The following MYO1E variants were observed in gnomAD, a reference collection of about 807,000 sequenced individuals.
MYO1E encodes the protein myosin IE.
A neutral mutation model predicts 151.1 loss-of-function variants in MYO1E; 68 were observed. The ratio of observed to expected loss-of-function variants is 0.45; its 90% CI spans 0.37 to 0.55. The LOEUF is 0.55. MYO1E is among the 20% of genes least tolerant of loss of function. The pLI is 0.00. For missense variants in MYO1E, 1,363 were observed against 1,389.3 expected (o/e 0.98, Z 0.30); for synonymous variants, 601 against 501.7 (o/e 1.20, Z -2.64).
At chr15:59,315,688 T>C (rs191529515) in intron 1 of MYO1E, among the ~76,000 whole-genome samples, 47 of 152,340 alleles carry the variant, frequency 3.1e-4, no homozygotes, top group African/African-American at 8.9e-4. Context: ...GTGAGGAAGA[T>C]TGAATGAGCT....
chr15:59,184,814 C>T (rs2079685966), intron 18 of MYO1E, among the ~76,000 whole-genome samples: 1 of 152,156 alleles, frequency 6.6e-6, no homozygotes, highest in South Asian at 2.1e-4. Context: ...TAGGAGTGGG[C>T]TTGCTGGATC....
chr15:59,284,929 T>C (rs545478580), intron 1 of MYO1E, among the ~76,000 whole-genome samples: 94 of 152,304 alleles, frequency 6.2e-4, no homozygotes, highest in South Asian at 1.4e-3. Context: ...CTGATTATAT[T>C]TTAATCAAAC....
At chr15:59,343,061 T>A (rs541147341) in intron 1 of MYO1E, among the ~76,000 whole-genome samples, 21 of 152,340 alleles carry the variant, frequency 1.4e-4, no homozygotes, top group African/African-American at 5.0e-4. Context: ...TATACTGTTA[T>A]AATATTCTGT....
intron 4 of MYO1E, among the ~76,000 whole-genome samples, chr15:59,250,686 T>C (rs1212727295): frequency 1.3e-5 from 2 of 152,134 alleles, no homozygotes; most frequent in East Asian, 3.9e-4. Flanking sequence ...GCCCTGAACA[T>C]GCAGCTGATG....
chr15:59,261,336 A>T lies in MYO1E; in HGVS notation c.237+84T>A. 4 of 953,038 alleles carry T rather than the reference A, an allele frequency of 4.2e-6. No homozygotes were observed. The South Asian group carries it at 5.8e-5, about 14-fold the overall frequency. 59.0% of individuals were successfully genotyped at this position (953,038 alleles called of 1,614,324 possible). ...AAAAAATTCATAATAGAAAAGTGCAAAAGTACTGCTAACTTCAAGAAAAAC... is the reference window on the plus strand; with the variant it reads ...AAAAAATTCATAATAGAAAAGTGCATAAGTACTGCTAACTTCAAGAAAAAC... On this transcript the variant is annotated intron_variant, in intron 3 of 27. Coordinates refer to ENST00000288235, the MANE Select transcript of MYO1E (RefSeq NM_004998.4).
Position 59,336,063 on chromosome 15 carries a change from C to T in MYO1E, c.3+36435G>A, listed in dbSNP as rs144723919. ...GCAAAAAAAAAAAAAAATCTTGAAA[C>T]TTTTTCTGGAATTAAAAAAAAACTA... On this transcript the variant is annotated intron_variant, in intron 1 of 27. Coordinates refer to ENST00000288235, the MANE Select transcript of MYO1E (RefSeq NM_004998.4). Among the ~76,000 whole-genome samples, 496 of 150,844 alleles carry T rather than the reference C, an allele frequency of 3.3e-3. 4 individuals carry two copies. Among genetic ancestry groups the T allele is most frequent in the African/African-American group, 9.7e-3 (401 of 41,140 alleles).
Position 59,161,223 on chromosome 15 carries a change from G to A in MYO1E, c.2635C>T (p.Leu879=), listed in dbSNP as rs563050652. 18 of 1,613,780 alleles carry A rather than the reference G, an allele frequency of 1.1e-5. No individual in the cohort carries two copies. The East Asian group carries it at 4.0e-4, about 36-fold the overall frequency. The change falls in exon 24 of 28, where the codon CTG becomes TTG. Residue 879 remains leucine, a synonymous_variant. Coordinates refer to ENST00000288235, the MANE Select transcript of MYO1E (RefSeq NM_004998.4). ...CCCCAGTTTTCCTTTTTCAACTTCA[G>A]TTCAAGCCTGCAAAAAGCACAGTGG... ...LPLKFSNTLE[L]KLKKENWGPW...
intron 18 of MYO1E, 139 bp downstream of exon 18, chr15:59,187,979 A>G: frequency 1.4e-6 from 1 of 722,760 alleles, no homozygotes; most frequent in Non-Finnish European, 2.5e-6. Context: ...TCCTAAAATT[A>G]ACGGTGGTGA....
chr15:59,232,042 A>G (rs2080031591), intron 5 of MYO1E, among the ~76,000 whole-genome samples: 1 of 152,192 alleles, frequency 6.6e-6, no homozygotes, highest in Non-Finnish European at 1.5e-5. Context: ...ACTGTCAATC[A>G]GGAACTATTC....
intron 1 of MYO1E, among the ~76,000 whole-genome samples, chr15:59,344,926 T>G (rs572957720): frequency 6.6e-6 from 1 of 152,372 alleles, no homozygotes; most frequent in African/African-American, 2.4e-5. Context: ...GCATGTCATT[T>G]TTTAAAAATC....
intron 1 of MYO1E, among the ~76,000 whole-genome samples, chr15:59,353,177 CTT>C (rs2080833318): frequency 1.3e-5 from 2 of 151,928 alleles, no homozygotes; most frequent in African/African-American, 2.4e-5. Flanking sequence ...TCTAAAATGT[CTT>C]GTTTATACTA....
Position 59,134,286 on chromosome 15 carries a change from T to C in MYO1E, c.*3094A>G, listed in dbSNP as rs2079359762. 6.6e-6 allele frequency: 1 copy of C among 152,348 alleles called. No individual in the cohort carries two copies. Among genetic ancestry groups the C allele is most frequent in the African/African-American group, 2.4e-5 (1 of 41,472 alleles). 9.4% of individuals were successfully genotyped at this position (152,348 alleles called of 1,614,324 possible). On this transcript the variant is annotated 3_prime_UTR_variant, in exon 28 of 28. Transcript: ENST00000288235. ...TTGGGAGGTCAGTGGGTTGGCATCC[T>C]TCATGGTTGGGGAGCAAGCTTATTC...
intron 1 of MYO1E, among the ~76,000 whole-genome samples, chr15:59,311,252 C>A (rs961256259): frequency 1.9e-4 from 29 of 152,006 alleles, no homozygotes; most frequent in Non-Finnish European, 5.9e-5. Flanking sequence ...AGGAGTGGAA[C>A]GGTTTCAGGT....
chr15:59,314,632 G>A lies in MYO1E; in HGVS notation c.4-42183C>T, dbSNP rs370670027. ...TATACAACCCAGTGATTTTCACTCC[G>A]GGGCAGCTCTGCTCCCCAGAGGACA... On this transcript the variant is annotated intron_variant, in intron 1 of 27. Transcript: ENST00000288235. Among the ~76,000 whole-genome samples the A allele has an allele frequency of 3.5e-4, 53 of 152,018 alleles. No homozygotes were observed. In the South Asian group the frequency reaches 8.5e-3, roughly 24 times the overall value.
At chr15:59,363,615 C>G (rs1340409625) in intron 1 of MYO1E, among the ~76,000 whole-genome samples, 1 of 152,114 alleles carries the variant, frequency 6.6e-6, no homozygotes, top group African/African-American at 2.4e-5. Context: ...TTGTGTGGCC[C>G]TAAGTAATTC....
intron 1 of MYO1E, among the ~76,000 whole-genome samples, chr15:59,315,948 C>G (rs369959120): frequency 6.6e-6 from 1 of 152,148 alleles, no homozygotes; most frequent in Non-Finnish European, 1.5e-5. Context: ...TACTCAGACA[C>G]GTTTTTGTAA....
chr15:59,157,469 TATTAA>T (rs1258930530), intron 25 of MYO1E, among the ~76,000 whole-genome samples: 22 of 152,274 alleles, frequency 1.4e-4, no homozygotes, highest in East Asian at 7.7e-4. Context: ...GGCCTGGAAA[TATTAA>T]ATTAAAGTTC....
intron 2 of MYO1E, among the ~76,000 whole-genome samples, chr15:59,264,534 A>T (rs1218686261): frequency 2.6e-5 from 4 of 152,254 alleles, no homozygotes; most frequent in African/African-American, 9.6e-5. Context: ...TATTTGGTAC[A>T]TACTTATAGT....
chr15:59,276,794 C>T (rs1265919337), intron 1 of MYO1E, among the ~76,000 whole-genome samples: 2 of 152,184 alleles, frequency 1.3e-5, no homozygotes, highest in African/African-American at 2.4e-5. Flanking sequence ...ACCTCACTGA[C>T]TGGTGTCTGT....
Sources: allele counts gnomAD v4.1 joint callset (sites outside exome capture counted in the v4.1 genomes callset), GRCh38; gene constraint gnomAD v4.1.1; transcripts MANE v1.5; gene names NCBI Gene and HGNC (gene_info 2026-07-23, HGNC 2026-07-21).